Variants in FBP1 observed in about 807,000 individuals in gnomAD.
FBP1 encodes fructose-1,6-bisphosphatase 1.
Under a neutral mutation model 29.9 loss-of-function variants are expected in FBP1, and 22 were observed. That is an observed-to-expected ratio of 0.74 (90% confidence interval 0.53 to 1.05). The LOEUF (loss-of-function observed/expected upper bound fraction) is 1.05. FBP1 is among the 50% of genes least tolerant of loss of function. FBP1 has a pLI of 0.00. For synonymous variants in FBP1, 175 were observed against 178.6 expected (o/e 0.98, Z 0.16); for missense variants, 345 against 448.2 (o/e 0.77, Z 2.08).
rs774362519 is a variant in FBP1 at position 94,606,815 on chromosome 9, T to TG, written c.704dup (p.Asp236ArgfsTer2). 4 of 1,613,490 alleles carry TG rather than the reference T, an allele frequency of 2.5e-6. No homozygotes were observed. Among genetic ancestry groups the TG allele is most frequent in the Non-Finnish European group, 3.4e-6 (4 of 1,179,648 alleles). On this transcript the variant is annotated frameshift_variant and splice_region_variant, in exon 5 of 7. Coordinates refer to ENST00000375326, the MANE Select transcript of FBP1 (RefSeq NM_000507.4). LOFTEE classifies it high-confidence loss of function. ...CCACCCTCCCCGGGCCCTCACTTAC[T>TG]GGGGGGAACTTCTTCCTCTGGATGT...
At position 94,606,956 on chromosome 9, in the gene FBP1, T is replaced by C; in HGVS notation, c.568-4A>G. On this transcript the variant is annotated splice_region_variant and splice_polypyrimidine_tract_variant and intron_variant, in intron 4 of 6. Coordinates refer to ENST00000375326, the MANE Select transcript of FBP1 (RefSeq NM_000507.4). ...CCAAAATGAACTCCCCGATGGCCTT[T>C]TTAGACAAGGAAGGAAAGGTGGAGA... is the stretch of plus-strand genomic sequence containing the variant. 1 of 1,614,094 alleles carries C rather than the reference T, an allele frequency of 6.2e-7. No homozygotes were observed. The highest frequency in any genetic ancestry group is 8.5e-7 in the Non-Finnish European group (1 of 1,179,970).
chr9:94,604,304 A>G (rs2131470610), intron 6 of FBP1, among the ~76,000 whole-genome samples: 1 of 152,194 alleles, frequency 6.6e-6, no homozygotes, highest in Non-Finnish European at 1.5e-5. Flanking sequence ...TTTAGAGAAA[A>G]GTGCTGGAAA....
intron 1 of FBP1, 108 bp from the exon 2 acceptor site, chr9:94,620,599 T>A (rs1563984339): frequency 9.1e-7 from 1 of 1,096,558 alleles, no homozygotes; most frequent in African/African-American, 1.6e-5. Context: ...AAGAAAGAGT[T>A]CATGTCCTTT....
chr9:94,616,064 A>G (rs1362390642), intron 3 of FBP1, among the ~76,000 whole-genome samples: 2 of 151,996 alleles, frequency 1.3e-5, no homozygotes, highest in Admixed American at 6.6e-5. Flanking sequence ...TCCTGACCTC[A>G]TGATCCGCCC....
chr9:94,636,075 T>G (rs1410972), intron 1 of FBP1, among the ~76,000 whole-genome samples: 68,501 of 151,952 alleles, frequency 0.45, 15,745 homozygotes, highest in African/African-American at 0.5. Flanking sequence ...GGGATATATA[T>G]GGGGTGGGTT....
At chr9:94,627,236 T>TC (rs1377898537) in intron 1 of FBP1, among the ~76,000 whole-genome samples, 19 of 149,018 alleles carry the variant, frequency 1.3e-4, no homozygotes, top group Admixed American at 1.1e-3. Context: ...GCGCCTGTAA[T>TC]CCCAGCTAGT....
rs567943968 is a variant in FBP1 at position 94,614,970 on chromosome 9, G to A, written c.426+2798C>T. On this transcript the variant is annotated intron_variant, in intron 3 of 6. Coordinates refer to ENST00000375326, the MANE Select transcript of FBP1 (RefSeq NM_000507.4). Reference sequence around the variant, plus strand: ...GTCACCCAGGCTGGAGTGCAGTGGTGCGATCTCGGCTCACTGCAAGCTCCG... The same window carrying A: ...GTCACCCAGGCTGGAGTGCAGTGGTACGATCTCGGCTCACTGCAAGCTCCG... Among the ~76,000 whole-genome samples the A allele has an allele frequency of 2.0e-5, 3 of 152,068 alleles. No homozygotes were observed. The East Asian group carries it at 5.8e-4, about 29-fold the overall frequency.
At chr9:94,627,174 G>A (rs1310745071) in intron 1 of FBP1, among the ~76,000 whole-genome samples, 2 of 146,064 alleles carry the variant, frequency 1.4e-5, no homozygotes, top group African/African-American at 5.1e-5. Context: ...GGCAACAAGA[G>A]TGAAACTCCA....
At chr9:94,610,809 G>C (rs1827772357) in intron 3 of FBP1, among the ~76,000 whole-genome samples, 1 of 152,172 alleles carries the variant, frequency 6.6e-6, no homozygotes, top group South Asian at 2.1e-4. Context: ...CTAGGGAAGG[G>C]AGCCCCTTAA....
chr9:94,614,265 G>A (rs1375007260), intron 3 of FBP1, among the ~76,000 whole-genome samples: 5 of 148,822 alleles, frequency 3.4e-5, no homozygotes, highest in Non-Finnish European at 7.5e-5. Flanking sequence ...TCGTGGCCGG[G>A]CGCGGTGGCT....
At chr9:94,620,254 C>A in intron 2 of FBP1, 75 bp downstream of exon 2, 1 of 1,504,976 alleles carries the variant, frequency 6.6e-7, no homozygotes, top group Non-Finnish European at 9.2e-7. Context: ...CTCAGCTGAA[C>A]AAGTGGAGTC....
At chr9:94,628,920 T>C (rs960070901) in intron 1 of FBP1, among the ~76,000 whole-genome samples, 9 of 152,248 alleles carry the variant, frequency 5.9e-5, no homozygotes, top group African/African-American at 2.2e-4. Flanking sequence ...GTATCAAGTT[T>C]ATAAAACAAG....
intron 6 of FBP1, chr9:94,603,785 C>G: frequency 1.6e-6 from 1 of 609,352 alleles, no homozygotes; most frequent in Non-Finnish European, 3.0e-6. Context: ...AACCATTCAT[C>G]AAGCCAGTGC....
At chr9:94,609,190 GAAAAAA>G (rs869220165) in intron 4 of FBP1, among the ~76,000 whole-genome samples, 6 of 112,024 alleles carry the variant, frequency 5.4e-5, no homozygotes, top group African/African-American at 2.1e-4. Context: ...CTACATCTCA[GAAAAAA>G]AAAAAAAAAA....
In FBP1 at chr9:94,610,078, A is replaced by G. The variant is rs1827762486; in HGVS notation, c.427-17T>C. ...AGTTGATTTCTAGAGCAAGAAAGAAATCAAAGAATGTTTTTGTTTTGTTTT... is the reference window on the plus strand; with the variant it reads ...AGTTGATTTCTAGAGCAAGAAAGAAGTCAAAGAATGTTTTTGTTTTGTTTT... On this transcript the variant is annotated splice_polypyrimidine_tract_variant and intron_variant, in intron 3 of 6. Transcript: ENST00000375326. The G allele has an allele frequency of 1.2e-6, 2 of 1,613,298 alleles. No individual in the cohort carries two copies. Among genetic ancestry groups the G allele is most frequent in the Non-Finnish European group, 1.7e-6 (2 of 1,179,590 alleles).
At chr9:94,614,329 A>G (rs982412763) in intron 3 of FBP1, among the ~76,000 whole-genome samples, 2 of 151,422 alleles carry the variant, frequency 1.3e-5, no homozygotes, top group Non-Finnish European at 3.0e-5. Flanking sequence ...TCACGAGGTC[A>G]GGAGATCGAG....
upstream of FBP1, chr9:94,639,525 C>A: frequency 1.6e-6 from 1 of 620,118 alleles, no homozygotes; most frequent in Admixed American, 2.8e-5. Context: ...CCAGGCCAGG[C>A]GCCGGCGGGT....
chr9:94,618,261 G>A (rs1827892342), intron 2 of FBP1, among the ~76,000 whole-genome samples: 1 of 151,970 alleles, frequency 6.6e-6, no homozygotes, highest in African/African-American at 2.4e-5. Context: ...TGCTAGGGTT[G>A]AGATCTATAA....
intron 1 of FBP1, among the ~76,000 whole-genome samples, chr9:94,631,003 C>G (rs952354061): frequency 6.6e-6 from 1 of 152,166 alleles, no homozygotes; most frequent in African/African-American, 2.4e-5. Flanking sequence ...CAGGCAACTT[C>G]TTGGAGGACA....
Sources: allele counts gnomAD v4.1 joint callset (sites outside exome capture counted in the v4.1 genomes callset), GRCh38; gene constraint gnomAD v4.1.1; transcripts MANE v1.5; gene names NCBI Gene and HGNC (gene_info 2026-07-23, HGNC 2026-07-21).